SGSM1: variants seen among roughly 807,000 people sequenced by gnomAD.
The protein encoded by SGSM1 is small G protein signaling modulator 1, also known as RUN and TBC1 domain containing 2.
A neutral mutation model predicts 133.8 loss-of-function variants in SGSM1; 73 were observed. That is an observed-to-expected ratio of 0.55 (90% confidence interval 0.45 to 0.66). The LOEUF (loss-of-function observed/expected upper bound fraction) is 0.66. Among genes scored for constraint, SGSM1 ranks in the 30% least tolerant of loss-of-function variants. The pLI, the probability that SGSM1 is intolerant of heterozygous loss-of-function variation, is 0.00. For synonymous variants in SGSM1, 563 were observed against 573.0 expected (o/e 0.98, Z 0.25); for missense variants, 1,213 against 1,448.1 (o/e 0.84, Z 2.64).
intron 7 of SGSM1, 34 bp from the exon 8 acceptor site, chr22:24,855,515 C>G: frequency 6.2e-7 from 1 of 1,613,566 alleles, no homozygotes; most frequent in Non-Finnish European, 8.5e-7. Context: ...TCACCCCAGG[C>G]CTCATCCCTC....
chr22:24,822,125 C>T (rs1346571463), intron 2 of SGSM1, among the ~76,000 whole-genome samples: 8 of 115,650 alleles, frequency 6.9e-5, no homozygotes, highest in African/African-American at 1.8e-4. Flanking sequence ...GAGTCTTGCT[C>T]TGTTGCCCAG....
At chr22:24,873,162 A>G (rs946399008) in intron 12 of SGSM1, among the ~76,000 whole-genome samples, 9 of 151,736 alleles carry the variant, frequency 5.9e-5, no homozygotes, top group African/African-American at 9.7e-5. Context: ...GGGTTTTGCC[A>G]TGTTGCCTAG....
At chr22:24,921,745 G>A (rs1340575234) in intron 24 of SGSM1, among the ~76,000 whole-genome samples, 1 of 151,482 alleles carries the variant, frequency 6.6e-6, no homozygotes, top group African/African-American at 2.4e-5. Flanking sequence ...TGTTGCCCAG[G>A]CTGGAGTACA....
At position 24,860,913 on chromosome 22, in the gene SGSM1, AAAAAAAAAAATATAT is replaced by A. The variant is rs1295431515; in HGVS notation, c.926+1075_926+1089del. On this transcript the variant is annotated intron_variant, in intron 9 of 24. Transcript: ENST00000400358. ...AGACTGTCTTAAAAAAAAAAAAAAA[AAAAAAAAAAATATAT>A]ATATATATATATATATATATAATTT... 2.0e-3 allele frequency among the ~76,000 whole-genome samples: 217 copies of A among 110,772 alleles called. 1 individual carries two copies. The highest frequency in any genetic ancestry group is 8.3e-3 in the African/African-American group (199 of 24,084). The allele number at this position is 110,772 out of a possible 152,430, so 72.7% of individuals were successfully genotyped here.
At chr22:24,903,088 T>C (rs1238093951) in intron 20 of SGSM1, among the ~76,000 whole-genome samples, 2 of 152,062 alleles carry the variant, frequency 1.3e-5, no homozygotes, top group Non-Finnish European at 2.9e-5. Flanking sequence ...GTTCATAAGA[T>C]AGAAAGAGAA....
intron 16 of SGSM1, 140 bp from the exon 17 acceptor site, chr22:24,893,291 G>T: frequency 2.4e-6 from 2 of 830,120 alleles, no homozygotes; most frequent in Non-Finnish European, 3.8e-6. Context: ...GCATAGCATA[G>T]TAGGTGCTCA....
At chr22:24,894,293 C>T (rs1005084687) in intron 17 of SGSM1, among the ~76,000 whole-genome samples, 4 of 152,028 alleles carry the variant, frequency 2.6e-5, no homozygotes, top group Admixed American at 1.3e-4. Flanking sequence ...CTTGAGAGGC[C>T]GAGGCAGGAG....
chr22:24,856,300 C>T (rs1245378127), intron 8 of SGSM1, among the ~76,000 whole-genome samples: 2 of 152,166 alleles, frequency 1.3e-5, no homozygotes, highest in Admixed American at 6.5e-5. Flanking sequence ...AACCTCCCAA[C>T]GACCCTTTGA....
Position 24,910,315 on chromosome 22 carries a change from T to C in SGSM1, c.2819-2328T>C, listed in dbSNP as rs1933571893. ...TGAATGTACTAAAACCACTAAGTGG[T>C]ACATTTAAAGGGTGAATTTTATATG... On this transcript the variant is annotated intron_variant, in intron 21 of 24. Transcript: ENST00000400358. Among the ~76,000 whole-genome samples, 2 of 152,104 alleles carry C rather than the reference T, an allele frequency of 1.3e-5. 1 individual carries two copies. The highest frequency in any genetic ancestry group is 4.1e-4 in the South Asian group (2 of 4,822).
chr22:24,882,996 C>T (rs978166683), intron 14 of SGSM1, among the ~76,000 whole-genome samples: 5 of 151,616 alleles, frequency 3.3e-5, no homozygotes, highest in Non-Finnish European at 7.4e-5. Context: ...CTCCTGGGTT[C>T]ACGCCATTCT....
chr22:24,845,170 G>A (rs894099505), intron 3 of SGSM1, among the ~76,000 whole-genome samples, 198 bp downstream of exon 3: 2 of 152,172 alleles, frequency 1.3e-5, no homozygotes, highest in African/African-American at 4.8e-5. Flanking sequence ...GAAGAGGTCA[G>A]TGTGGTTAAC....
chr22:24,898,648 C>G, intron 19 of SGSM1, 89 bp downstream of exon 19: 1 of 1,286,186 alleles, frequency 7.8e-7, no homozygotes, highest in African/African-American at 1.5e-5. Flanking sequence ...AGAATGACCC[C>G]GGAGTCAGAC....
At chr22:24,905,053 G>A in intron 20 of SGSM1, 52 bp from the exon 21 acceptor site, 1 of 1,512,480 alleles carries the variant, frequency 6.6e-7, no homozygotes, top group Non-Finnish European at 9.2e-7. Flanking sequence ...GGTGGAGTGG[G>A]TTGGAGAGGC....
intron 2 of SGSM1, among the ~76,000 whole-genome samples, chr22:24,822,107 T>TTC (rs2147795737): frequency 6.7e-6 from 1 of 148,312 alleles, no homozygotes; most frequent in East Asian, 2.0e-4. Context: ...TTTTTTTTTT[T>TTC]TGAGACAGAG....
At position 24,893,414 on chromosome 22, in the gene SGSM1, T is replaced by C; in HGVS notation, c.1771-17T>C. On this transcript the variant is annotated splice_polypyrimidine_tract_variant and intron_variant, in intron 16 of 24. Transcript: ENST00000400358. ...CCTTTGTTGACACCTCGGGTGACAT[T>C]GCATCTGCCCTGGCAGGTGGACGAG... 1.2e-6 allele frequency: 2 copies of C among 1,612,494 alleles called. No homozygotes were observed. The highest frequency in any genetic ancestry group is 1.7e-6 in the Non-Finnish European group (2 of 1,179,260).
chr22:24,916,536 A>C (rs1933828423), intron 22 of SGSM1, among the ~76,000 whole-genome samples: 1 of 152,044 alleles, frequency 6.6e-6, no homozygotes, highest in Admixed American at 6.6e-5. Flanking sequence ...GTCTCTATTA[A>C]AAATAACAAA....
At chr22:24,882,071 T>G (rs944618177) in intron 14 of SGSM1, among the ~76,000 whole-genome samples, 3 of 152,074 alleles carry the variant, frequency 2.0e-5, no homozygotes, top group African/African-American at 7.3e-5. Context: ...AATTTAAAAT[T>G]TCTACTTTTA....
chr22:24,868,762 G>T lies in SGSM1; in HGVS notation c.1198G>T (p.Gly400Cys), dbSNP rs529211960. The T allele has an allele frequency of 5.0e-6, 8 of 1,613,990 alleles. No homozygotes were observed. In the African/African-American group the frequency reaches 5.3e-5, roughly 11 times the overall value. The change falls in exon 12 of 25, where the codon GGT (glycine) becomes TGT (cysteine). Residue 400 changes from glycine (G) to cysteine (C), a missense_variant. By Grantham distance (159) the Gly-to-Cys change is radical. Coordinates refer to ENST00000400358, the MANE Select transcript of SGSM1 (RefSeq NM_001098497.3). ...TAAACTGCGCAAGCGAAGCCCTCAG[G>T]GTTCTGCCGAGTCCACATCTTCAGA... Reference protein sequence around the residue: ...FPKLRKRSPQGSAESTSSDKD... With the variant: ...FPKLRKRSPQCSAESTSSDKD...
chr22:24,806,610 C>T, intron 2 of SGSM1, 126 bp downstream of exon 2: 2 of 1,190,720 alleles, frequency 1.7e-6, no homozygotes, highest in South Asian at 1.7e-5. Flanking sequence ...TGGGGCTCAC[C>T]TGGGTGGGCA....
Sources: allele counts gnomAD v4.1 joint callset (sites outside exome capture counted in the v4.1 genomes callset), GRCh38; gene constraint gnomAD v4.1.1; transcripts MANE v1.5; gene names NCBI Gene and HGNC (gene_info 2026-07-23, HGNC 2026-07-21).